Variants in SPAG16 observed in about 807,000 individuals in gnomAD.
SPAG16 encodes the protein sperm associated antigen 16.
A neutral mutation model predicts 80.4 loss-of-function variants in SPAG16; 86 were observed. The observed-to-expected ratio is 1.07, with a 90% CI of 0.90 to 1.28. SPAG16 has a LOEUF of 1.28. Ranked by LOEUF, SPAG16 falls within the 50% of genes most tolerant of loss-of-function variation. The probability of loss-of-function intolerance (pLI) is 0.00; values close to 1 mark genes in which losing one functional copy is unlikely to be tolerated. For synonymous variants in SPAG16, 294 were observed against 265.9 expected, an observed-to-expected ratio of 1.11 and a Z score of -1.03; for missense variants, 870 against 765.3, an observed-to-expected ratio of 1.14 and a Z score of -1.61.
At chr2:213,307,633 C>G (rs2063003775) in intron 3 of SPAG16, among the ~76,000 whole-genome samples, 1 of 151,338 alleles carries the variant, frequency 6.6e-6, no homozygotes, top group South Asian at 2.1e-4. Flanking sequence ...GGTTCCAAGT[C>G]TTTGCTATTG....
chr2:213,921,943 T>A (rs181717970), intron 11 of SPAG16, among the ~76,000 whole-genome samples: 1 of 152,206 alleles, frequency 6.6e-6, no homozygotes. Flanking sequence ...TTCTCTCTAA[T>A]TGCCTTTTAC....
intron 9 of SPAG16, among the ~76,000 whole-genome samples, chr2:213,389,579 A>T (rs1387210559): frequency 6.6e-6 from 1 of 152,188 alleles, no homozygotes; most frequent in Non-Finnish European, 1.5e-5. Flanking sequence ...AATCCAAAAA[A>T]GGACTTTAAT....
chr2:214,377,161 T>TC (rs1700178205), intron 15 of SPAG16, among the ~76,000 whole-genome samples: 1 of 152,148 alleles, frequency 6.6e-6, no homozygotes, highest in Admixed American at 6.6e-5. Flanking sequence ...ACTAACCATC[T>TC]CCCCGTGAGC....
intron 9 of SPAG16, among the ~76,000 whole-genome samples, chr2:213,432,618 A>G (rs971106932): frequency 6.6e-6 from 1 of 152,138 alleles, no homozygotes; most frequent in Non-Finnish European, 1.5e-5. Context: ...CCCAACAAAT[A>G]AAAGCCCAGG....
intron 10 of SPAG16, among the ~76,000 whole-genome samples, chr2:213,583,463 C>T (rs2060360866): frequency 6.6e-6 from 1 of 152,154 alleles, no homozygotes; most frequent in Non-Finnish European, 1.5e-5. Context: ...GCTTGACCTT[C>T]TTTAGAAATG....
At chr2:213,761,179 A>G (rs1422536899) in intron 10 of SPAG16, among the ~76,000 whole-genome samples, 1 of 152,210 alleles carries the variant, frequency 6.6e-6, no homozygotes, top group Non-Finnish European at 1.5e-5. Context: ...TAAACAATGA[A>G]CGTTATCAAA....
chr2:214,194,100 T>C (rs1245245103), intron 15 of SPAG16, among the ~76,000 whole-genome samples: 1 of 152,118 alleles, frequency 6.6e-6, no homozygotes, highest in Non-Finnish European at 1.5e-5. Flanking sequence ...TTTAAGACTG[T>C]AACTGACTCA....
intron 12 of SPAG16, among the ~76,000 whole-genome samples, chr2:213,946,343 GACC>G (rs2079467193): frequency 3.3e-4 from 50 of 151,814 alleles, no homozygotes; most frequent in African/African-American, 9.2e-4. Flanking sequence ...TTGAACTCCT[GACC>G]TCGAGATCTA....
At chr2:213,636,171 T>C (rs193246493) in intron 10 of SPAG16, among the ~76,000 whole-genome samples, 1 of 152,358 alleles carries the variant, frequency 6.6e-6, no homozygotes, top group African/African-American at 2.4e-5. Context: ...TACATGTGGC[T>C]TGCCAATTTT....
At chr2:213,327,374 A>G (rs145316599) in intron 5 of SPAG16, among the ~76,000 whole-genome samples, 66 of 152,204 alleles carry the variant, frequency 4.3e-4, no homozygotes, top group Middle Eastern at 3.4e-3. Flanking sequence ...AATAGACTTC[A>G]TTGTGCAAAC....
chr2:213,925,355 CTT>C (rs35309095), intron 11 of SPAG16, among the ~76,000 whole-genome samples: 48 of 141,658 alleles, frequency 3.4e-4, no homozygotes, highest in Non-Finnish European at 4.3e-4. Flanking sequence ...TCTTTTCTTC[CTT>C]TTTTTTTTTT....
chr2:213,409,046 A>G (rs2068816119), intron 9 of SPAG16, among the ~76,000 whole-genome samples: 1 of 152,082 alleles, frequency 6.6e-6, no homozygotes, highest in African/African-American at 2.4e-5. Context: ...GGAAAAAAAA[A>G]AGTGGGGTGG....
At chr2:214,360,718 A>T (rs970351017) in intron 15 of SPAG16, among the ~76,000 whole-genome samples, 2 of 151,814 alleles carry the variant, frequency 1.3e-5, no homozygotes, top group African/African-American at 4.8e-5. Flanking sequence ...TTTCCCTCTG[A>T]AGGTTCTATA....
chr2:214,093,510 GTGTA>G (rs2052365989), intron 13 of SPAG16, among the ~76,000 whole-genome samples: 1 of 149,164 alleles, frequency 6.7e-6, no homozygotes, highest in African/African-American at 2.5e-5. Flanking sequence ...ATATATGTGT[GTGTA>G]TGTATATGTG....
chr2:214,259,328 C>A (rs1010552060), intron 15 of SPAG16, among the ~76,000 whole-genome samples: 1 of 149,600 alleles, frequency 6.7e-6, no homozygotes, highest in Non-Finnish European at 1.5e-5. Context: ...CAGTGGTCAG[C>A]CAGATATTTG....
intron 15 of SPAG16, among the ~76,000 whole-genome samples, chr2:214,334,064 C>T (rs1697113772): frequency 6.6e-6 from 1 of 152,120 alleles, no homozygotes; most frequent in Non-Finnish European, 1.5e-5. Context: ...TGTCCCATGC[C>T]CCTTGACCCA....
chr2:214,314,745 T>TA (rs1695561435), intron 15 of SPAG16, among the ~76,000 whole-genome samples: 1 of 143,932 alleles, frequency 6.9e-6, no homozygotes, highest in Non-Finnish European at 1.5e-5. Context: ...TGGAAATGTT[T>TA]AAAAAAAGTG....
At chr2:213,980,712 G>GTATATATATATATATATA (rs1553686607) in intron 12 of SPAG16, among the ~76,000 whole-genome samples, 6 of 114,006 alleles carry the variant, frequency 5.3e-5, no homozygotes, top group African/African-American at 2.3e-4. Context: ...GTGTGTGTGT[G>GTATATATATATATATATA]TATATATATA....
At chr2:214,380,914 G>GTAAA (rs1030941137) in intron 15 of SPAG16, among the ~76,000 whole-genome samples, 1 of 152,190 alleles carries the variant, frequency 6.6e-6, no homozygotes, top group African/African-American at 2.4e-5. Flanking sequence ...GGCAATTTCA[G>GTAAA]TAAATAAGGG....
Sources: gnomAD v4.1 joint callset for allele counts (sites outside exome capture counted in the v4.1 genomes callset) on GRCh38, gnomAD v4.1.1 for gene constraint, MANE v1.5 for transcripts, NCBI Gene and HGNC (gene_info 2026-07-23, HGNC 2026-07-21) for gene names.